The following KAZN variants were observed in gnomAD, a reference collection of about 807,000 sequenced individuals.
KAZN encodes kazrin.
A neutral mutation model predicts 87.4 loss-of-function variants in KAZN; 40 were observed. The ratio of observed to expected loss-of-function variants is 0.46; its 90% CI spans 0.36 to 0.60. The LOEUF (loss-of-function observed/expected upper bound fraction) is 0.60. KAZN is among the 20% of genes least tolerant of loss of function. The pLI, the probability that KAZN is intolerant of heterozygous loss-of-function variation, is 0.00. For missense variants in KAZN, 898 were observed against 1,073.9 expected (o/e 0.84, Z 2.29); for synonymous variants, 466 against 458.3 (o/e 1.02, Z -0.22).
chr1:14,194,498 T>G (rs1237485165), intron 2 of KAZN, among the ~76,000 whole-genome samples: 17 of 152,164 alleles, frequency 1.1e-4, no homozygotes. Flanking sequence ...TATGCCCCCA[T>G]TAGTCAGACT....
intron 2 of KAZN, among the ~76,000 whole-genome samples, chr1:14,296,501 C>A (rs1346212317): frequency 6.6e-6 from 1 of 152,162 alleles, no homozygotes; most frequent in Non-Finnish European, 1.5e-5. Context: ...GTGCCTACCT[C>A]AAGGTCCACA....
chr1:14,790,643 C>T (rs1454994014), intron 1 of KAZN, among the ~76,000 whole-genome samples: 1 of 152,104 alleles, frequency 6.6e-6, no homozygotes, highest in Non-Finnish European at 1.5e-5. Context: ...CAAAGTTGTC[C>T]AATCCAAGTC....
At chr1:15,091,756 T>A (rs996128701) in intron 8 of KAZN, among the ~76,000 whole-genome samples, 1 of 152,278 alleles carries the variant, frequency 6.6e-6, no homozygotes, top group Middle Eastern at 3.4e-3. Flanking sequence ...TCAAACAAAC[T>A]CTCATCAATA....
At chr1:14,212,781 A>G (rs1646882425) in intron 2 of KAZN, among the ~76,000 whole-genome samples, 1 of 152,174 alleles carries the variant, frequency 6.6e-6, no homozygotes, top group Admixed American at 6.5e-5. Flanking sequence ...CCAGTAGGAA[A>G]TTTTATGAAT....
At chr1:14,271,366 G>T (rs1023209077) in intron 2 of KAZN, among the ~76,000 whole-genome samples, 2 of 152,230 alleles carry the variant, frequency 1.3e-5, no homozygotes, top group Non-Finnish European at 2.9e-5. Flanking sequence ...CTTATACACT[G>T]TGAGGCTGTG....
At chr1:14,771,273 T>C (rs1440682373) in intron 1 of KAZN, among the ~76,000 whole-genome samples, 1 of 152,072 alleles carries the variant, frequency 6.6e-6, no homozygotes, top group African/African-American at 2.4e-5. Context: ...GGATATAAAA[T>C]TGTTCTGGTT....
At chr1:13,999,680 GA>G (rs1317831693) in intron 1 of KAZN, among the ~76,000 whole-genome samples, 1 of 152,124 alleles carries the variant, frequency 6.6e-6, no homozygotes, top group African/African-American at 2.4e-5. Context: ...AAAGCTAGCA[GA>G]AGACAAGAAA....
chr1:14,598,923 G>T lies in KAZN; in HGVS notation c.-75G>T. 6.4e-7 allele frequency: 1 copy of T among 1,552,686 alleles called. No homozygotes were observed. Among genetic ancestry groups the T allele is most frequent in the Non-Finnish European group, 8.7e-7 (1 of 1,154,326 alleles). On this transcript the variant is annotated 5_prime_UTR_variant, in exon 1 of 15. Coordinates refer to ENST00000376030, the MANE Select transcript of KAZN (RefSeq NM_201628.3). The surrounding 1 kb of genome is among the most constrained non-coding windows in gnomAD (Gnocchi z 4.2). ...GAGGACACAACAGGTAGAGCCGGGG[G>T]TGCCCGGCCGCGCGCCCCCCGCGCA...
intron 1 of KAZN, among the ~76,000 whole-genome samples, chr1:14,093,967 G>A (rs1644066655): frequency 1.3e-5 from 2 of 152,270 alleles, no homozygotes; most frequent in Admixed American, 1.3e-4. Flanking sequence ...CCCAGGTATG[G>A]GGTAGGACCC....
rs1254897913 is a variant in KAZN at position 15,117,949 on chromosome 1, C to T, written c.*3314C>T. On this transcript the variant is annotated 3_prime_UTR_variant, in exon 15 of 15. Coordinates refer to ENST00000376030, the MANE Select transcript of KAZN (RefSeq NM_201628.3). The stretch of plus-strand genomic sequence containing the variant: ...TGTGGCTGCAGAGGAAATGGGTTGG[C>T]TCTGAACAAAGATGCAGTTTCTAGG... 2 of 152,268 alleles carry T rather than the reference C, an allele frequency of 1.3e-5. No homozygotes were observed. The highest frequency in any genetic ancestry group is 2.9e-5 in the Non-Finnish European group (2 of 68,054). The allele number at this position is 152,268 out of a possible 1,614,324, so 9.4% of individuals were successfully genotyped here. A position where few individuals can be genotyped will look rare whatever the true frequency, so the allele number is the denominator to read the frequency against.
intron 8 of KAZN, among the ~76,000 whole-genome samples, chr1:15,072,074 C>T (rs1639530117): frequency 6.6e-6 from 1 of 152,176 alleles, no homozygotes; most frequent in Admixed American, 6.5e-5. Flanking sequence ...ATAATCGCTC[C>T]CAGTTCTGGC....
chr1:14,998,273 G>A (rs1668103054), intron 2 of KAZN, among the ~76,000 whole-genome samples: 3 of 152,198 alleles, frequency 2.0e-5, no homozygotes, highest in African/African-American at 4.8e-5. Context: ...TTGGGAATCC[G>A]CTGCAATATG....
At chr1:14,239,455 C>G (rs1019176609) in intron 2 of KAZN, among the ~76,000 whole-genome samples, 1 of 95,708 alleles carries the variant, frequency 1.0e-5, no homozygotes. Context: ...AGTTGGGTTT[C>G]TTTTTTTTTT....
intron 2 of KAZN, among the ~76,000 whole-genome samples, chr1:14,973,133 G>A (rs907389218): frequency 2.6e-5 from 4 of 152,120 alleles, no homozygotes; most frequent in Admixed American, 6.5e-5. Flanking sequence ...CTCTGTGTCT[G>A]ACACAGATCC....
intron 2 of KAZN, among the ~76,000 whole-genome samples, chr1:14,279,854 C>A (rs1368006831): frequency 1.3e-5 from 2 of 152,130 alleles, no homozygotes; most frequent in Non-Finnish European, 1.5e-5. Flanking sequence ...CACAGAAGAA[C>A]GGCCCAGGAG....
At chr1:15,054,896 C>T (rs1674788981) in intron 4 of KAZN, among the ~76,000 whole-genome samples, 1 of 152,248 alleles carries the variant, frequency 6.6e-6, no homozygotes. Flanking sequence ...CCCTCCTGTC[C>T]TACATGTTCT....
At chr1:13,963,654 A>C (rs995765412) in intron 1 of KAZN, among the ~76,000 whole-genome samples, 1 of 152,184 alleles carries the variant, frequency 6.6e-6, no homozygotes, top group Non-Finnish European at 1.5e-5. Context: ...CTATTCATGC[A>C]TCAAAGCCTA....
chr1:14,023,273 G>A (rs931935899), intron 1 of KAZN, among the ~76,000 whole-genome samples: 1 of 152,212 alleles, frequency 6.6e-6, no homozygotes. Context: ...AATGAGGCAA[G>A]ATTGCTCCAC....
At chr1:14,433,644 G>C (rs995558059) in intron 2 of KAZN, among the ~76,000 whole-genome samples, 7 of 152,164 alleles carry the variant, frequency 4.6e-5, no homozygotes, top group African/African-American at 1.4e-4. Flanking sequence ...GATCACCAGA[G>C]GTCAGGAGTT....
Sources: allele counts gnomAD v4.1 joint callset (sites outside exome capture counted in the v4.1 genomes callset), GRCh38; gene constraint gnomAD v4.1.1; non-coding constraint Gnocchi (gnomAD v3.1); transcripts MANE v1.5; gene names NCBI Gene and HGNC (gene_info 2026-07-23, HGNC 2026-07-21).